Variants in IGSF10 observed in about 807,000 individuals in gnomAD.
IGSF10 encodes the protein immunoglobulin superfamily member 10.
Under a neutral mutation model 128.2 loss-of-function variants are expected in IGSF10, and 126 were observed. The observed-to-expected ratio is 0.98, with a 90% CI of 0.85 to 1.14. The LOEUF is 1.14. IGSF10 is among the 50% of genes most tolerant of loss of function. The probability of loss-of-function intolerance (pLI) is 0.00; values close to 1 mark genes in which losing one functional copy is unlikely to be tolerated. For missense variants in IGSF10, 3,295 were observed against 3,149.8 expected, an observed-to-expected ratio of 1.05 and a Z score of -1.10; for synonymous variants, 1,185 against 1,146.2, an observed-to-expected ratio of 1.03 and a Z score of -0.68.
chr3:151,444,266 CATCTAGTCTTCAGATTGCTAAAATT>C (rs932843671), intron 6 of IGSF10, among the ~76,000 whole-genome samples: 1 of 152,000 alleles, frequency 6.6e-6, no homozygotes, highest in Non-Finnish European at 1.5e-5. Context: ...AAAATTAGGA[CATCTAGTCTTCAGATTGCTAAAATT>C]ATTCCTGGAT....
In IGSF10 at chr3:151,443,586, G is replaced by T; in HGVS notation, c.5361C>A (p.Val1787=). ...GCCTACTTCCCTGGGATGATTCTGA[G>T]ACAACTGTTTGGTTTGCAAGAATCC... ...VTWILANQTV[V]SESSQGSRQA... is the part of the protein sequence containing the mutation. Residue 1787 remains valine, a synonymous_variant, in exon 7 of 8, where the codon GTC becomes GTA. Transcript: ENST00000282466. 1 of 1,614,202 alleles carries T rather than the reference G, an allele frequency of 6.2e-7. No homozygotes were observed. The highest frequency in any genetic ancestry group is 1.3e-5 in the African/African-American group (1 of 75,046).
At chr3:151,582,594 G>A in the IGSF10 span, among the ~76,000 whole-genome samples, 13 of 152,084 alleles carry the variant, frequency 8.5e-5, no homozygotes, top group African/African-American at 2.2e-4. Context: ...CATTTTCACC[G>A]CAGATAGTAT....
At chr3:151,504,120 G>A in the IGSF10 span, among the ~76,000 whole-genome samples, 36 of 152,100 alleles carry the variant, frequency 2.4e-4, 1 homozygote, top group Admixed American at 2.0e-3. Flanking sequence ...CTGGCCCCAG[G>A]CAAGAAGAAG....
At chr3:151,616,183 C>A in the IGSF10 span, among the ~76,000 whole-genome samples, 6,617 of 151,978 alleles carry the variant, frequency 0.044, 485 homozygotes, top group African/African-American at 0.15. Context: ...AGGCTGGTCT[C>A]GAACTCCCGA....
chr3:151,439,800 G>T (rs1445366214), intron 7 of IGSF10, among the ~76,000 whole-genome samples: 1 of 152,128 alleles, frequency 6.6e-6, no homozygotes, highest in Non-Finnish European at 1.5e-5. Flanking sequence ...TTAACCACCA[G>T]ATGGCAGATC....
At position 151,450,886 on chromosome 3, in the gene IGSF10, ACT is replaced by A. The variant is rs1721478968; in HGVS notation, c.716-1623_716-1622del. Among the ~76,000 whole-genome samples the A allele has an allele frequency of 4.3e-5, 4 of 93,472 alleles. No individual in the cohort carries two copies. The Middle Eastern group carries it at 0.037, about 876-fold the overall frequency. The allele number at this position is 93,472 out of a possible 152,430, so 61.3% of individuals were successfully genotyped here. On this transcript the variant is annotated intron_variant, in intron 5 of 7. Coordinates refer to ENST00000282466, the MANE Select transcript of IGSF10 (RefSeq NM_178822.5). ...CTCCAGCCTGGGCAACAAGAGCAAA[ACT>A]CTGTCTCAAAAAAAAAAAAAAAAAA...
downstream of IGSF10, chr3:151,434,266 T>C (rs1441246717): frequency 6.6e-6 from 1 of 152,220 alleles, no homozygotes; most frequent in Non-Finnish European, 1.5e-5. Flanking sequence ...AGACATTTTC[T>C]TTTGCAAATC....
At chr3:151,570,137 T>A in the IGSF10 span, among the ~76,000 whole-genome samples, 6 of 152,226 alleles carry the variant, frequency 3.9e-5, no homozygotes, top group Admixed American at 3.9e-4. Context: ...TCTATCATTG[T>A]TGGACATTTG....
rs1442496361 is a variant in IGSF10 at position 151,458,658 on chromosome 3, T to G, written c.52A>C (p.Ile18Leu). ...ITCLLVSFAV[I>L]CLVATPGGKA... ...CCCCCAGGGGTGGCGACCAGGCAGA[T>G]CACAGCAAAGGAGACCAGCAAGCAG... Residue 18 changes from isoleucine (I) to leucine (L), a missense_variant, in exon 3 of 8, where the codon ATC (isoleucine) becomes CTC (leucine). Ile to Leu is a conservative substitution (Grantham distance 5, BLOSUM62 2). Coordinates refer to ENST00000282466, the MANE Select transcript of IGSF10 (RefSeq NM_178822.5). 2.5e-6 allele frequency: 4 copies of G among 1,613,974 alleles called. No homozygotes were observed. The African/African-American group carries it at 4.0e-5, about 16-fold the overall frequency.
rs1721256050 is a variant in IGSF10, at chr3:151,447,328, T to G, written c.2653A>C (p.Thr885Pro). ...NPTMSSQIQGTTNQHSSTVFP... is the reference protein window; with the variant it reads ...NPTMSSQIQGPTNQHSSTVFP... The stretch of plus-strand genomic sequence containing the variant: ...ACAGTGGATGAATGTTGATTGGTTG[T>G]GCCTTGTATTTGGCTTGACATGGTT... Residue 885 changes from threonine to proline, a missense_variant, in exon 6 of 8, where the codon ACA becomes CCA. Coordinates refer to ENST00000282466, the MANE Select transcript of IGSF10 (RefSeq NM_178822.5). 3.7e-6 allele frequency: 6 copies of G among 1,614,122 alleles called. No individual in the cohort carries two copies. Among genetic ancestry groups the G allele is most frequent in the Non-Finnish European group, 5.1e-6 (6 of 1,180,062 alleles).
At chr3:151,529,274 C>T in the IGSF10 span, among the ~76,000 whole-genome samples, 1 of 152,164 alleles carries the variant, frequency 6.6e-6, no homozygotes, top group Non-Finnish European at 1.5e-5. Context: ...CAGCTGTGGG[C>T]GCAGCTTCAG....
the IGSF10 span, among the ~76,000 whole-genome samples, chr3:151,541,042 A>T: frequency 6.6e-6 from 1 of 152,160 alleles, no homozygotes; most frequent in Non-Finnish European, 1.5e-5. Context: ...AGATAGTGGA[A>T]ATCATGCTGA....
the IGSF10 span, among the ~76,000 whole-genome samples, chr3:151,576,259 A>C: frequency 6.6e-6 from 1 of 152,106 alleles, no homozygotes; most frequent in Admixed American, 6.6e-5. Context: ...CTTTAGCATT[A>C]CAAAATATCC....
the IGSF10 span, among the ~76,000 whole-genome samples, chr3:151,518,618 ACT>A: frequency 2.0e-5 from 3 of 151,882 alleles, no homozygotes; most frequent in African/African-American, 4.8e-5. Flanking sequence ...TATGGATATA[ACT>A]CTGATTTCTC....
chr3:151,473,834 GTTTT>G, the IGSF10 span, among the ~76,000 whole-genome samples: 12 of 152,006 alleles, frequency 7.9e-5, no homozygotes, highest in African/African-American at 2.7e-4. Flanking sequence ...GCTTGCTCCT[GTTTT>G]TTTAATAGCT....
the IGSF10 span, among the ~76,000 whole-genome samples, chr3:151,605,324 T>C: frequency 2.0e-5 from 3 of 152,332 alleles, no homozygotes; most frequent in East Asian, 5.8e-4. Flanking sequence ...ATTGTACCCA[T>C]ATCTGTGGAT....
At chr3:151,565,571 G>A in the IGSF10 span, among the ~76,000 whole-genome samples, 3 of 152,118 alleles carry the variant, frequency 2.0e-5, no homozygotes, top group East Asian at 1.9e-4. Flanking sequence ...AGCAGCTACA[G>A]AATGATCTGT....
rs566748946 is a variant in IGSF10 at position 151,449,158 on chromosome 3, C to T, written c.823G>A (p.Ala275Thr). ...GTTGGCTTGGCACACTGGAAAGCTG[C>T]AGCTGAGACCATAGCTAACGGCTTG... ...KGKPLAMVSA[A>T]AFQCAKPTID... The change falls in exon 6 of 8, where the codon GCA becomes ACA. Residue 275 changes from alanine to threonine, a missense_variant. Ala to Thr is a moderately conservative substitution (Grantham distance 58). Coordinates refer to ENST00000282466, the MANE Select transcript of IGSF10 (RefSeq NM_178822.5). 171 of 1,614,194 alleles carry T rather than the reference C, an allele frequency of 1.1e-4. 1 individual carries two copies. Among genetic ancestry groups the T allele is most frequent in the Middle Eastern group, 9.9e-4 (6 of 6,062 alleles).
At chr3:151,456,201 T>C (rs1721782499) in intron 4 of IGSF10, among the ~76,000 whole-genome samples, 1 of 152,252 alleles carries the variant, frequency 6.6e-6, no homozygotes, top group Admixed American at 6.5e-5. Context: ...AGCTACATTA[T>C]ACTCTATTGC....
Sources: allele counts gnomAD v4.1 joint callset (sites outside exome capture counted in the v4.1 genomes callset), GRCh38; gene constraint gnomAD v4.1.1; transcripts MANE v1.5; gene names NCBI Gene and HGNC (gene_info 2026-07-23, HGNC 2026-07-21).